The following ADGRF5 variants were observed in gnomAD, a reference collection of about 807,000 sequenced individuals.
ADGRF5 encodes the protein adhesion G protein-coupled receptor F5.
Under a neutral mutation model 132.3 loss-of-function variants are expected in ADGRF5, and 75 were observed. The ratio of observed to expected loss-of-function variants is 0.57; its 90% CI spans 0.47 to 0.69. The LOEUF is 0.69. ADGRF5 is among the 30% of genes least tolerant of loss of function. The pLI is 0.00. For synonymous variants in ADGRF5, 629 were observed against 597.6 expected (o/e 1.05, Z -0.77); for missense variants, 1,516 against 1,630.6 (o/e 0.93, Z 1.21).
At position 46,863,008 on chromosome 6, in the gene ADGRF5, G is replaced by T; in HGVS notation, c.2079C>A (p.Pro693=). The T allele has an allele frequency of 6.2e-7, 1 of 1,613,816 alleles. No individual in the cohort carries two copies. The highest frequency in any genetic ancestry group is 1.6e-4 in the Middle Eastern group (1 of 6,062). ...CGCCAATGGGACTCTCAGGGCTGCT[G>T]GGAACGTTTGAGAACCGGCATAGCT... ...IQKLCRFSNV[P]SSPESPIGGT... Residue 693 remains proline, a synonymous_variant, in exon 15 of 21, where the codon CCC becomes CCA. Coordinates refer to ENST00000283296, the MANE Select transcript of ADGRF5 (RefSeq NM_001098518.2).
At chr6:46,880,404 GA>G in intron 8 of ADGRF5, among the ~76,000 whole-genome samples, 1 of 152,142 alleles carries the variant, frequency 6.6e-6, no homozygotes, top group South Asian at 2.1e-4. Context: ...CTACACACTG[GA>G]ATAATATCAA....
At chr6:46,946,667 G>A (rs914811223) in intron 1 of ADGRF5, among the ~76,000 whole-genome samples, 10 of 152,188 alleles carry the variant, frequency 6.6e-5, no homozygotes, top group Admixed American at 1.3e-4. Context: ...TCTGGAGGCA[G>A]GGAAGGGTCC....
In ADGRF5 at chr6:46,878,378, T is replaced by C; in HGVS notation, c.1064A>G (p.Asp355Gly). 6.2e-7 allele frequency: 1 copy of C among 1,609,486 alleles called. No homozygotes were observed. The highest frequency in any genetic ancestry group is 8.5e-7 in the Non-Finnish European group (1 of 1,175,944). Residue 355 changes from aspartate to glycine, a missense_variant, in exon 10 of 21, where the codon GAC becomes GGC. Asp to Gly is a moderately conservative substitution (Grantham distance 94). Around this residue, in one of 2 missense-constraint regions of ADGRF5, gnomAD observed 945 missense variants for 929.4 expected, o/e 1.02. Coordinates refer to ENST00000283296, the MANE Select transcript of ADGRF5 (RefSeq NM_001098518.2). Reference protein sequence around the residue: ...AGEYVCKLILDIFEYECKKKI... With the variant: ...AGEYVCKLILGIFEYECKKKI... ...CTTCTTGCACTCATATTCAAAAATG[T>C]CTAATATCAGTTTGCAAACATATTC...
At chr6:46,872,054 C>G (rs892524842) in intron 10 of ADGRF5, 41 bp from the exon 11 acceptor site, 2 of 1,460,528 alleles carry the variant, frequency 1.4e-6, no homozygotes, top group Non-Finnish European at 1.9e-6. Flanking sequence ...AGCTGGCTAA[C>G]TCTTTTATTT....
intron 14 of ADGRF5, among the ~76,000 whole-genome samples, chr6:46,864,526 A>AT (rs200329634): frequency 0.03 from 4,205 of 141,608 alleles, 88 homozygotes; most frequent in African/African-American, 0.042. Flanking sequence ...ACATGTAATA[A>AT]TTTTTTTTTT....
At chr6:46,941,614 G>A (rs1778093774) in intron 1 of ADGRF5, among the ~76,000 whole-genome samples, 1 of 151,236 alleles carries the variant, frequency 6.6e-6, no homozygotes, top group Non-Finnish European at 1.5e-5. Flanking sequence ...ATTCTGATGT[G>A]CACAAATGTT....
chr6:46,924,567 G>T (rs972992471), upstream of ADGRF5, among the ~76,000 whole-genome samples: 1 of 152,112 alleles, frequency 6.6e-6, no homozygotes, highest in Non-Finnish European at 1.5e-5. Context: ...AAATCTTTGT[G>T]CTGATGACTT....
At chr6:46,953,457 A>G (rs1287731664) in intron 1 of ADGRF5, among the ~76,000 whole-genome samples, 2 of 151,694 alleles carry the variant, frequency 1.3e-5, no homozygotes, top group Admixed American at 6.6e-5. Context: ...CCCCTTCTCT[A>G]CTAAAAATAC....
intron 1 of ADGRF5, chr6:46,954,677 T>C (rs1215720152): frequency 6.6e-6 from 1 of 152,214 alleles, no homozygotes; most frequent in Non-Finnish European, 1.5e-5. Context: ...GCACATCTAT[T>C]CCAGAGCAGC....
chr6:46,928,187 G>A lies in ADGRF5; in HGVS notation c.-24-21401C>T, dbSNP rs990351888. Among the ~76,000 whole-genome samples, 4 of 152,136 alleles carry A rather than the reference G, an allele frequency of 2.6e-5. No individual in the cohort carries two copies. In the East Asian group the frequency reaches 7.7e-4, roughly 29 times the overall value. The stretch of plus-strand genomic sequence containing the variant: ...TTCTAGATAAAATTGCTTTTCTCCA[G>A]CTTGTGGAAGTTCAGAGCCCACCTC... On this transcript the variant is annotated intron_variant, in intron 1 of 20. Coordinates refer to the ADGRF5 transcript ENST00000265417.
At chr6:46,898,917 G>C (rs1774458383) in intron 3 of ADGRF5, among the ~76,000 whole-genome samples, 1 of 152,204 alleles carries the variant, frequency 6.6e-6, no homozygotes, top group Admixed American at 6.5e-5. Flanking sequence ...ATGTGAACGT[G>C]CAAGTGCTTC....
chr6:46,948,475 AGTGTGT>A (rs3030417), intron 1 of ADGRF5, among the ~76,000 whole-genome samples: 10,724 of 143,284 alleles, frequency 0.075, 358 homozygotes, highest in African/African-American at 0.081. Flanking sequence ...TGCTCTAGTG[AGTGTGT>A]GTGTGTGTGT....
intron 1 of ADGRF5, among the ~76,000 whole-genome samples, chr6:46,927,652 G>A (rs1215326046): frequency 6.6e-6 from 1 of 152,138 alleles, no homozygotes; most frequent in African/African-American, 2.4e-5. Context: ...TAACACATCT[G>A]ACGCAAGCCA....
intron 3 of ADGRF5, among the ~76,000 whole-genome samples, chr6:46,893,603 G>T (rs949079365): frequency 1.3e-5 from 2 of 152,158 alleles, no homozygotes; most frequent in African/African-American, 2.4e-5. Flanking sequence ...CAGGGACCAG[G>T]AGGCATGAGG....
At chr6:46,900,796 C>T (rs1774681817) in intron 2 of ADGRF5, among the ~76,000 whole-genome samples, 2 of 152,248 alleles carry the variant, frequency 1.3e-5, no homozygotes, top group Admixed American at 1.3e-4. Context: ...AAGCAAACTA[C>T]AGTATGGCAT....
chr6:46,897,609 C>T (rs1170918782), intron 3 of ADGRF5, among the ~76,000 whole-genome samples: 3 of 152,198 alleles, frequency 2.0e-5, no homozygotes, highest in Non-Finnish European at 4.4e-5. Context: ...GAGTCTCGCG[C>T]TGTCGCCCAG....
intron 17 of ADGRF5, 97 bp from the exon 18 acceptor site, chr6:46,857,005 C>T: frequency 1.1e-6 from 1 of 888,856 alleles, no homozygotes; most frequent in Non-Finnish European, 1.8e-6. Context: ...ATTTGTACTA[C>T]TTCTTTTTCC....
chr6:46,926,446 C>T (rs1394429385), upstream of ADGRF5, among the ~76,000 whole-genome samples: 1 of 149,686 alleles, frequency 6.7e-6, no homozygotes, highest in East Asian at 2.0e-4. Context: ...CCCCCTCTGC[C>T]ATCTCCTAGA....
At chr6:46,903,115 T>G (rs1157121242) in intron 2 of ADGRF5, among the ~76,000 whole-genome samples, 1 of 152,124 alleles carries the variant, frequency 6.6e-6, no homozygotes, top group Non-Finnish European at 1.5e-5. Flanking sequence ...GGACCAGCCT[T>G]ACCATCCTGA....
Sources: allele counts gnomAD v4.1 joint callset (sites outside exome capture counted in the v4.1 genomes callset), GRCh38; gene constraint gnomAD v4.1.1; regional missense constraint gnomAD v4.1.1; transcripts MANE v1.5; gene names NCBI Gene and HGNC (gene_info 2026-07-23, HGNC 2026-07-21).